The following RERE variants were observed in gnomAD, a reference collection of about 807,000 sequenced individuals.
RERE encodes the protein arginine-glutamic acid dipeptide repeats protein.
In RERE, 40 loss-of-function variants were observed where a neutral mutation model predicts 146.1. That is an observed-to-expected ratio of 0.27 (90% CI 0.21 to 0.36). RERE has a LOEUF of 0.36. RERE is among the 10% of genes least tolerant of loss of function. The pLI, the probability that RERE is intolerant of heterozygous loss-of-function variation, is 1.00. For missense variants in RERE, 1,933 were observed against 2,138.7 expected (o/e 0.90, Z 1.90); for synonymous variants, 1,003 against 866.0 (o/e 1.16, Z -2.78).
At chr1:8,447,168 CTGGT>C (rs1644333288) in intron 11 of RERE, among the ~76,000 whole-genome samples, 1 of 150,996 alleles carries the variant, frequency 6.6e-6, no homozygotes, top group African/African-American at 2.4e-5. Flanking sequence ...CTTCTCTAAA[CTGGT>C]TATTCTAGTT....
chr1:8,701,506 C>CT (rs1475018181), intron 1 of RERE, among the ~76,000 whole-genome samples: 1 of 152,124 alleles, frequency 6.6e-6, no homozygotes, highest in Non-Finnish European at 1.5e-5. Flanking sequence ...TCTAAACGGC[C>CT]TTTTTCTGGA....
At chr1:8,418,943 C>T (rs764384358) in intron 12 of RERE, among the ~76,000 whole-genome samples, 4 of 152,056 alleles carry the variant, frequency 2.6e-5, no homozygotes, top group Non-Finnish European at 5.9e-5. Flanking sequence ...AGACACCGGG[C>T]GCTCTGTGAC....
intron 1 of RERE, among the ~76,000 whole-genome samples, chr1:8,777,604 G>A (rs1233086459): frequency 1.4e-5 from 2 of 146,368 alleles, no homozygotes; most frequent in African/African-American, 2.5e-5. Context: ...GCACAATCTC[G>A]GCTCACTACA....
At chr1:8,471,986 A>G (rs1644693115) in intron 10 of RERE, among the ~76,000 whole-genome samples, 1 of 152,002 alleles carries the variant, frequency 6.6e-6, no homozygotes, top group Admixed American at 6.6e-5. Flanking sequence ...TAATTTTTGT[A>G]TTTTTAGTAG....
chr1:8,729,226 T>TA (rs1409338387), intron 1 of RERE, among the ~76,000 whole-genome samples: 1 of 147,376 alleles, frequency 6.8e-6, no homozygotes, highest in East Asian at 2.0e-4. Flanking sequence ...GATTTTTTTT[T>TA]TTTTTTTTTT....
At chr1:8,591,900 A>T (rs1238603589) in intron 4 of RERE, among the ~76,000 whole-genome samples, 1 of 152,208 alleles carries the variant, frequency 6.6e-6, no homozygotes, top group African/African-American at 2.4e-5. Context: ...CCTGTCTTAA[A>T]GATGCTGCTA....
intron 2 of RERE, among the ~76,000 whole-genome samples, chr1:8,625,751 C>G (rs1280172338): frequency 6.6e-6 from 1 of 152,180 alleles, no homozygotes; most frequent in Non-Finnish European, 1.5e-5. Context: ...ACAGAAGTAG[C>G]AATTGGGAGT....
At chr1:8,717,630 T>G (rs1639789293) in intron 1 of RERE, among the ~76,000 whole-genome samples, 1 of 152,190 alleles carries the variant, frequency 6.6e-6, no homozygotes, top group African/African-American at 2.4e-5. Context: ...AATACTAAGA[T>G]TCCTATTTCA....
chr1:8,522,038 A>G (rs1233289763), intron 7 of RERE, among the ~76,000 whole-genome samples: 1 of 152,266 alleles, frequency 6.6e-6, no homozygotes, highest in Non-Finnish European at 1.5e-5. Flanking sequence ...TAGAGTATAC[A>G]ATATGAGATC....
chr1:8,728,513 A>C (rs577874651), intron 1 of RERE, among the ~76,000 whole-genome samples: 1 of 152,042 alleles, frequency 6.6e-6, no homozygotes, highest in Non-Finnish European at 1.5e-5. Context: ...AAAAGTCTAT[A>C]TTCTTTTTAG....
At chr1:8,566,644 A>C (rs986834552) in intron 4 of RERE, among the ~76,000 whole-genome samples, 20 of 152,032 alleles carry the variant, frequency 1.3e-4, no homozygotes, top group Non-Finnish European at 2.4e-4. Flanking sequence ...ACAAAAAAAA[A>C]CCTGAAAACA....
At chr1:8,777,428 A>G (rs1641085135) in intron 1 of RERE, among the ~76,000 whole-genome samples, 1 of 152,218 alleles carries the variant, frequency 6.6e-6, no homozygotes, top group Non-Finnish European at 1.5e-5. Flanking sequence ...GAAGAAAAAT[A>G]TCAAGAAAAT....
chr1:8,649,546 A>G (rs1310803390), intron 2 of RERE, among the ~76,000 whole-genome samples: 1 of 151,996 alleles, frequency 6.6e-6, no homozygotes, highest in Non-Finnish European at 1.5e-5. Flanking sequence ...CCTGGCCAAC[A>G]TGGTGAAACC....
chr1:8,413,114 C>A (rs905195950), intron 12 of RERE, among the ~76,000 whole-genome samples: 1 of 152,096 alleles, frequency 6.6e-6, no homozygotes, highest in Non-Finnish European at 1.5e-5. Flanking sequence ...TTTATACATG[C>A]GTGAACACAC....
intron 12 of RERE, among the ~76,000 whole-genome samples, chr1:8,393,597 G>A (rs977106050): frequency 6.6e-6 from 1 of 152,108 alleles, no homozygotes; most frequent in Non-Finnish European, 1.5e-5. Flanking sequence ...AGCATAATGG[G>A]CATCTCCCAA....
intron 1 of RERE, among the ~76,000 whole-genome samples, chr1:8,727,640 C>T (rs903468144): frequency 4.6e-5 from 7 of 152,016 alleles, no homozygotes; most frequent in Admixed American, 1.3e-4. Context: ...ACTACAGGCA[C>T]GCGCCACCAC....
intron 6 of RERE, among the ~76,000 whole-genome samples, chr1:8,553,919 T>C (rs773643613): frequency 3.9e-5 from 6 of 152,228 alleles, no homozygotes; most frequent in Non-Finnish European, 7.3e-5. Flanking sequence ...GGCTCATGCC[T>C]GTAATCCCAG....
intron 1 of RERE, among the ~76,000 whole-genome samples, chr1:8,795,982 C>CAAAAAAA (rs556814425): frequency 3.7e-4 from 11 of 29,968 alleles, no homozygotes; most frequent in Non-Finnish European, 5.4e-4. Flanking sequence ...AACTCCGTCT[C>CAAAAAAA]AAAAAAAAAA....
At chr1:8,389,464 G>A (rs1023143370) in intron 12 of RERE, among the ~76,000 whole-genome samples, 3 of 152,116 alleles carry the variant, frequency 2.0e-5, no homozygotes, top group South Asian at 2.1e-4. Flanking sequence ...GCTGCTGTGC[G>A]GCTCAGTGGA....
Sources: allele counts gnomAD v4.1 joint callset (sites outside exome capture counted in the v4.1 genomes callset), GRCh38; gene constraint gnomAD v4.1.1; transcripts MANE v1.5; gene names NCBI Gene and HGNC (gene_info 2026-07-23, HGNC 2026-07-21).